The following ZNF345 variants were observed in gnomAD, a reference collection of about 807,000 sequenced individuals.
The protein encoded by ZNF345 is zinc finger protein HZF10.
For missense variants in ZNF345, 527 were observed against 589.9 expected (o/e 0.89, Z 1.10); for synonymous variants, 166 against 187.9 (o/e 0.88, Z 0.95).
At chr19:36,865,123 T>G (rs1489629206) in intron 2 of ZNF345, among the ~76,000 whole-genome samples, 1 of 152,124 alleles carries the variant, frequency 6.6e-6, no homozygotes, top group African/African-American at 2.4e-5. Flanking sequence ...GGAAACTGAA[T>G]GTGCTGCAGG....
At chr19:36,888,995 CT>C (rs1330248383) in intron 3 of ZNF345, 1 of 152,218 alleles carries the variant, frequency 6.6e-6, no homozygotes, top group African/African-American at 2.4e-5. Context: ...TGGTCTCAAA[CT>C]CTTGACATCA....
chr19:36,882,060 TTA>T (rs1491538256), downstream of ZNF345, among the ~76,000 whole-genome samples: 4 of 149,888 alleles, frequency 2.7e-5, no homozygotes, highest in Non-Finnish European at 5.9e-5. Context: ...TGTTTTTTTT[TTA>T]AAAAAAACCT....
rs529255530 is a variant in ZNF345, at chr19:36,872,803, T to G, written c.-46-3982T>G. Reference sequence around the variant, plus strand: ...TATATATTTTTCCCTTTATAATTAATAAATAATCTGTAGAGTGATACTGTG... The same window carrying G: ...TATATATTTTTCCCTTTATAATTAAGAAATAATCTGTAGAGTGATACTGTG... On this transcript the variant is annotated intron_variant, in intron 2 of 2. Coordinates refer to ENST00000420450, the MANE Select transcript of ZNF345 (RefSeq NM_001242472.2). 4.6e-5 allele frequency: 7 copies of G among 152,348 alleles called. No individual in the cohort carries two copies. In the South Asian group the frequency reaches 1.4e-3, roughly 32 times the overall value. 9.4% of individuals were successfully genotyped at this position (152,348 alleles called of 1,614,324 possible).
chr19:36,870,632 T>G (rs1271502993), intron 2 of ZNF345, among the ~76,000 whole-genome samples: 1 of 152,176 alleles, frequency 6.6e-6, no homozygotes, highest in Non-Finnish European at 1.5e-5. Flanking sequence ...TTAAAAATAT[T>G]TTTCCTCAGA....
At position 36,869,284 on chromosome 19, in the gene ZNF345, A is replaced by T. The variant is rs1277169747; in HGVS notation, c.-46-7501A>T. ...GTTTTATTATGAAAGATAAGGATACAAATTAGGAACAGCACAGTAAAGAGA... is the reference window on the plus strand; with the variant it reads ...GTTTTATTATGAAAGATAAGGATACTAATTAGGAACAGCACAGTAAAGAGA... On this transcript the variant is annotated intron_variant, in intron 2 of 2. Coordinates refer to ENST00000420450, the MANE Select transcript of ZNF345 (RefSeq NM_001242472.2). Among the ~76,000 whole-genome samples, 4 of 152,146 alleles carry T rather than the reference A, an allele frequency of 2.6e-5. No homozygotes were observed. In the East Asian group the frequency reaches 7.7e-4, roughly 29 times the overall value.
chr19:36,878,780 G>A lies in ZNF345; in HGVS notation c.*483G>A, dbSNP rs2072942061. On this transcript the variant is annotated 3_prime_UTR_variant, in exon 3 of 3. Transcript: ENST00000420450. The stretch of plus-strand genomic sequence containing the variant: ...TATTTTTTTTATTGACTATTTGATG[G>A]TAAGTTACATTTTTATTCACATAAA... The A allele has an allele frequency of 6.0e-6, 1 of 166,698 alleles. No individual in the cohort carries two copies. The highest frequency in any genetic ancestry group is 1.5e-5 in the Non-Finnish European group (1 of 68,148). The allele number at this position is 166,698 out of a possible 1,614,324, so 10.3% of individuals were successfully genotyped here.
At position 36,877,016 on chromosome 19, in the gene ZNF345, T is replaced by G. The variant is rs1190078813; in HGVS notation, c.186T>G (p.Leu62=). 6.2e-6 allele frequency: 10 copies of G among 1,614,026 alleles called. No homozygotes were observed. The Admixed American group carries it at 1.7e-4, about 27-fold the overall frequency. Residue 62 remains leucine (L), a synonymous_variant, in exon 3 of 3, where the codon CTT becomes CTG. Transcript: ENST00000420450. The stretch of plus-strand genomic sequence containing the variant: ...GAATTCATACTGATGAGAAACTCCT[T>G]GAATGTAAGGAATGTGGGAAGGATT... ...HQRIHTDEKL[L]ECKECGKDFS...
At chr19:36,886,528 C>T (rs897360216) in intron 3 of ZNF345, among the ~76,000 whole-genome samples, 1 of 152,176 alleles carries the variant, frequency 6.6e-6, no homozygotes, top group Non-Finnish European at 1.5e-5. Flanking sequence ...TACTGACCTC[C>T]TCAAAATAGT....
chr19:36,891,530 A>C, intron 3 of ZNF345: 1 of 1,597,140 alleles, frequency 6.3e-7, no homozygotes. Context: ...ATGAGGTCAG[A>C]GCGACTACCA....
intron 2 of ZNF345, among the ~76,000 whole-genome samples, chr19:36,873,873 C>T (rs1221114534): frequency 1.3e-5 from 2 of 152,018 alleles, no homozygotes; most frequent in African/African-American, 2.4e-5. Context: ...ATCTGTTCAT[C>T]CATCAGTGGG....
intron 2 of ZNF345, among the ~76,000 whole-genome samples, chr19:36,872,206 C>T (rs747763385): frequency 6.6e-6 from 1 of 152,166 alleles, no homozygotes; most frequent in Non-Finnish European, 1.5e-5. Flanking sequence ...AAGCATACCA[C>T]ATAGGTGGTA....
chr19:36,880,753 G>A (rs909574355), downstream of ZNF345, among the ~76,000 whole-genome samples: 1 of 152,062 alleles, frequency 6.6e-6, no homozygotes. Flanking sequence ...ACTCCAGCCT[G>A]GAAAACAGAA....
downstream of ZNF345, among the ~76,000 whole-genome samples, chr19:36,880,165 C>T (rs1233830537): frequency 1.3e-5 from 2 of 151,788 alleles, no homozygotes; most frequent in Non-Finnish European, 2.9e-5. Context: ...ATTAAAAATA[C>T]AAAAATTAGC....
chr19:36,885,188 T>C (rs909559073), intron 3 of ZNF345, among the ~76,000 whole-genome samples: 2 of 151,962 alleles, frequency 1.3e-5, no homozygotes, highest in Admixed American at 6.6e-5. Flanking sequence ...TAGAATTATA[T>C]ATAGAAATAT....
chr19:36,857,150 A>G (rs1165182778), intron 2 of ZNF345, among the ~76,000 whole-genome samples: 1 of 152,114 alleles, frequency 6.6e-6, no homozygotes, highest in Non-Finnish European at 1.5e-5. Context: ...GAGTTATTTC[A>G]CCAAGGCTTT....
chr19:36,851,236 C>T (rs2072255886), intron 1 of ZNF345: 1 of 152,230 alleles, frequency 6.6e-6, no homozygotes, highest in Admixed American at 6.6e-5. Context: ...CTGTATGTCC[C>T]CTTGGGGTGT....
At chr19:36,892,087 G>C in intron 3 of ZNF345, 1 of 1,614,074 alleles carries the variant, frequency 6.2e-7, no homozygotes, top group Non-Finnish European at 8.5e-7. Context: ...TTTCTCACCA[G>C]TGTGAATCCT....
At chr19:36,854,994 C>G (rs826264) in intron 2 of ZNF345, among the ~76,000 whole-genome samples, 55,932 of 149,354 alleles carry the variant, frequency 0.37, 11,780 homozygotes, top group East Asian at 0.6. Context: ...TGAGACTACA[C>G]GCACCCGCCA....
At chr19:36,874,310 A>G (rs946501804) in intron 2 of ZNF345, among the ~76,000 whole-genome samples, 1 of 152,038 alleles carries the variant, frequency 6.6e-6, no homozygotes, top group African/African-American at 2.4e-5. Context: ...CCTGGCCAAT[A>G]TGGTGAAACC....
Sources: allele counts gnomAD v4.1 joint callset (sites outside exome capture counted in the v4.1 genomes callset), GRCh38; gene constraint gnomAD v4.1.1; transcripts MANE v1.5; gene names NCBI Gene and HGNC (gene_info 2026-07-23, HGNC 2026-07-21).